The following MARK3 variants were observed in gnomAD, a reference collection of about 807,000 sequenced individuals.
MARK3 encodes microtubule affinity regulating kinase 3.
Under a neutral mutation model 90.1 loss-of-function variants are expected in MARK3, and 46 were observed. The ratio of observed to expected loss-of-function variants is 0.51; its 90% CI spans 0.40 to 0.65. The LOEUF is 0.65. MARK3 is among the 30% of genes least tolerant of loss of function. The pLI, the probability that MARK3 is intolerant of heterozygous loss-of-function variation, is 0.00. For synonymous variants in MARK3, 321 were observed against 332.6 expected (o/e 0.97, Z 0.38); for missense variants, 818 against 947.2 (o/e 0.86, Z 1.79).
intron 5 of MARK3, among the ~76,000 whole-genome samples, chr14:103,453,134 A>G (rs962999999): frequency 6.6e-6 from 1 of 152,244 alleles, no homozygotes; most frequent in Admixed American, 6.5e-5. Flanking sequence ...GTAAAAATGT[A>G]GACATTTTCT....
chr14:103,437,605 G>T (rs185354820), intron 3 of MARK3, among the ~76,000 whole-genome samples: 1 of 152,048 alleles, frequency 6.6e-6, no homozygotes, highest in African/African-American at 2.4e-5. Flanking sequence ...ATTTTTCATT[G>T]TACCAAGGAC....
At chr14:103,437,913 G>A (rs933411864) in intron 3 of MARK3, among the ~76,000 whole-genome samples, 1 of 152,150 alleles carries the variant, frequency 6.6e-6, no homozygotes, top group Non-Finnish European at 1.5e-5. Flanking sequence ...TTGGGATTAG[G>A]TAGTATAGCT....
In MARK3 at chr14:103,467,082, T is replaced by C. The variant is rs752743694; in HGVS notation, c.1001T>C (p.Ile334Thr). The change falls in exon 11 of 18, where the codon ATT becomes ACT. Residue 334 changes from isoleucine (I) to threonine (T), a missense_variant. Physicochemically the swap from Ile to Thr is moderately conservative, Grantham distance 89. Around this residue, in one of 3 missense-constraint regions of MARK3, gnomAD observed 560 missense variants for 613.5 expected, o/e 0.91. Transcript: ENST00000429436. ...LDISDQKRID[I>T]MVGMGYSQEE... ...CTGTATTATGCCCTTCTTTTAGATA[T>C]TATGGTGGGAATGGGATATTCACAA... 5 of 1,443,424 alleles carry C rather than the reference T, an allele frequency of 3.5e-6. No homozygotes were observed. The highest frequency in any genetic ancestry group is 2.3e-5 in the East Asian group (1 of 43,788). 89.4% of individuals were successfully genotyped at this position (1,443,424 alleles called of 1,614,324 possible). A position where few individuals can be genotyped will look rare whatever the true frequency, so the allele number is the denominator to read the frequency against.
At chr14:103,467,235 TTAGTTTATA>T (rs1248939574) in intron 11 of MARK3, 44 bp downstream of exon 11, 4 of 849,126 alleles carry the variant, frequency 4.7e-6, no homozygotes, top group African/African-American at 1.7e-5. Context: ...TATGTAATTA[TTAGTTTATA>T]TAAACTGTTT....
chr14:103,406,294 G>A (rs532204554), intron 2 of MARK3, among the ~76,000 whole-genome samples: 16 of 152,074 alleles, frequency 1.1e-4, no homozygotes, highest in Admixed American at 7.9e-4. Context: ...GCATGGTCTC[G>A]GCTCTCTGCA....
rs548986584 is a variant in MARK3 at position 103,428,455 on chromosome 14, A to G, written c.297+15A>G. On this transcript the variant is annotated intron_variant, in intron 3 of 17. Coordinates refer to ENST00000429436, the MANE Select transcript of MARK3 (RefSeq NM_001128918.3). ...GTCTACAAAAGGTAAGATTGGTTCA[A>G]TGTCTAGTACTTTTTAAAAAATTAT... is the stretch of plus-strand genomic sequence containing the variant. 43 of 1,480,040 alleles carry G rather than the reference A, an allele frequency of 2.9e-5. No homozygotes were observed. Among genetic ancestry groups the G allele is most frequent in the African/African-American group, 1.3e-4 (9 of 70,908 alleles). 91.7% of individuals were successfully genotyped at this position (1,480,040 alleles called of 1,614,324 possible).
chr14:103,405,930 ACCCGAGCTGGAGTGCAG>A, intron 2 of MARK3, among the ~76,000 whole-genome samples: 1 of 151,616 alleles, frequency 6.6e-6, no homozygotes, highest in African/African-American at 2.4e-5. Flanking sequence ...TTGCCCTGTC[ACCCGAGCTGGAGTGCAG>A]TGGCTCAATC....
At chr14:103,437,406 T>G (rs375856033) in intron 3 of MARK3, among the ~76,000 whole-genome samples, 17 of 150,530 alleles carry the variant, frequency 1.1e-4, no homozygotes, top group African/African-American at 4.2e-4. Flanking sequence ...AAAAAAAAAA[T>G]ACATTATAAA....
chr14:103,475,072 T>C lies in MARK3; in HGVS notation c.1344T>C (p.Asp448=). Residue 448 remains aspartate (D), a synonymous_variant, in exon 13 of 18, where the codon GAT becomes GAC. Coordinates refer to ENST00000429436, the MANE Select transcript of MARK3 (RefSeq NM_001128918.3). ...TSTADSDLKE[D]GISSRKSSGS... The stretch of plus-strand genomic sequence containing the variant: ...CTGCAGATAGTGACCTCAAAGAAGA[T>C]GGAATTTCCTCCCGGAAATCAAGTG... 6.2e-7 allele frequency: 1 copy of C among 1,614,198 alleles called. No individual in the cohort carries two copies. Among genetic ancestry groups the C allele is most frequent in the Non-Finnish European group, 8.5e-7 (1 of 1,180,016 alleles).
intron 5 of MARK3, among the ~76,000 whole-genome samples, chr14:103,455,189 C>T (rs1350503735): frequency 1.3e-5 from 2 of 152,126 alleles, no homozygotes; most frequent in East Asian, 3.8e-4. Context: ...CTGTGTTACT[C>T]TACAACAGCT....
At chr14:103,400,234 T>C (rs2140574931) in intron 1 of MARK3, among the ~76,000 whole-genome samples, 1 of 152,142 alleles carries the variant, frequency 6.6e-6, no homozygotes, top group East Asian at 1.9e-4. Flanking sequence ...CGGCCTCCCC[T>C]TTTATGATAA....
At chr14:103,423,289 G>A (rs1015205403) in intron 2 of MARK3, among the ~76,000 whole-genome samples, 4 of 135,992 alleles carry the variant, frequency 2.9e-5, no homozygotes, top group African/African-American at 8.4e-5. Context: ...GACCGTTGGT[G>A]AACCAACAGA....
At chr14:103,428,239 AC>A in intron 2 of MARK3, 147 bp from the exon 3 acceptor site, 1 of 521,010 alleles carries the variant, frequency 1.9e-6, no homozygotes, top group East Asian at 3.6e-5. Flanking sequence ...TTATAAAGTT[AC>A]AATTGCTTAT....
At chr14:103,466,889 A>G (rs545909340) in intron 10 of MARK3, among the ~76,000 whole-genome samples, 190 bp from the exon 11 acceptor site, 2 of 151,980 alleles carry the variant, frequency 1.3e-5, no homozygotes, top group Non-Finnish European at 1.5e-5. Context: ...CTGTAATCCC[A>G]GCTACTCGGG....
chr14:103,499,884 GCGTGCAGCGGTATGGCATGCAA>G, intron 16 of MARK3: 1 of 484,638 alleles, frequency 2.1e-6, no homozygotes, highest in Non-Finnish European at 3.8e-6. Flanking sequence ...GCAGTGTGCA[GCGTGCAGCGGTATGGCATGCAA>G]TGTGTGTGAT....
chr14:103,386,749 C>A (rs960044467), intron 1 of MARK3, among the ~76,000 whole-genome samples: 1 of 152,210 alleles, frequency 6.6e-6, no homozygotes, highest in Admixed American at 6.5e-5. Flanking sequence ...CACTGCCTAG[C>A]TGAGGGACAC....
intron 2 of MARK3, among the ~76,000 whole-genome samples, chr14:103,411,310 A>G (rs567332475): frequency 1.3e-4 from 20 of 152,224 alleles, no homozygotes; most frequent in Admixed American, 5.9e-4. Context: ...CCAGTTTTGT[A>G]TTTTCTTCTA....
intron 1 of MARK3, among the ~76,000 whole-genome samples, chr14:103,396,246 T>G (rs1351871810): frequency 6.6e-6 from 1 of 152,198 alleles, no homozygotes; most frequent in Admixed American, 6.5e-5. Context: ...TAGAGGTACT[T>G]GTACTACCAG....
intron 15 of MARK3, among the ~76,000 whole-genome samples, chr14:103,497,153 G>T: frequency 6.6e-6 from 1 of 151,994 alleles, no homozygotes; most frequent in East Asian, 1.9e-4. Flanking sequence ...TTATATTTAG[G>T]CAGTATATAT....
Sources: allele counts gnomAD v4.1 joint callset (sites outside exome capture counted in the v4.1 genomes callset), GRCh38; gene constraint gnomAD v4.1.1; regional missense constraint gnomAD v4.1.1; transcripts MANE v1.5; gene names NCBI Gene and HGNC (gene_info 2026-07-23, HGNC 2026-07-21).